Variants in NOX4 observed in about 807,000 individuals in gnomAD.
NOX4 encodes the protein kidney oxidase-1.
A neutral mutation model predicts 87.6 loss-of-function variants in NOX4; 69 were observed. The ratio of observed to expected loss-of-function variants is 0.79; its 90% CI spans 0.65 to 0.96. The LOEUF (loss-of-function observed/expected upper bound fraction) is 0.96, where lower values mean the gene tolerates loss of function less well. Ranked by LOEUF, NOX4 falls within the 40% of genes least tolerant of loss-of-function variation. The pLI, the probability that NOX4 is intolerant of heterozygous loss-of-function variation, is 0.00. For missense variants in NOX4, 680 were observed against 681.5 expected, an observed-to-expected ratio of 1.00 and a Z score of 0.02; for synonymous variants, 275 against 238.2, an observed-to-expected ratio of 1.15 and a Z score of -1.42.
intron 8 of NOX4, among the ~76,000 whole-genome samples, chr11:89,418,431 TA>T (rs1206380854): frequency 9.0e-6 from 1 of 110,518 alleles, no homozygotes; most frequent in East Asian, 2.9e-4. Flanking sequence ...AGAATAATAA[TA>T]ATAATAATAA....
intron 8 of NOX4, among the ~76,000 whole-genome samples, chr11:89,416,797 A>G (rs1228663238): frequency 6.6e-6 from 1 of 152,180 alleles, no homozygotes; most frequent in Non-Finnish European, 1.5e-5. Flanking sequence ...CTAGAAAAAA[A>G]ATGATTCAAG....
intron 6 of NOX4, 28 bp downstream of exon 6, chr11:89,440,660 A>T (rs777576122): frequency 6.6e-7 from 1 of 1,507,406 alleles, no homozygotes; most frequent in Admixed American, 1.9e-5. Flanking sequence ...TCCTAAACCT[A>T]AAGAAAAGGC....
chr11:89,387,573 T>C (rs1940804490), intron 11 of NOX4, among the ~76,000 whole-genome samples: 1 of 152,096 alleles, frequency 6.6e-6, no homozygotes, highest in Non-Finnish European at 1.5e-5. Context: ...TGTTCCTGAA[T>C]AAAAATAATA....
the NOX4 span, among the ~76,000 whole-genome samples, chr11:89,570,437 A>G: frequency 1.3e-5 from 2 of 151,922 alleles, no homozygotes; most frequent in African/African-American, 4.8e-5. Context: ...TGTGTAAGAA[A>G]CCCCTGCAAC....
intron 12 of NOX4, among the ~76,000 whole-genome samples, chr11:89,360,066 A>G (rs1274650918): frequency 6.6e-6 from 1 of 152,084 alleles, no homozygotes; most frequent in African/African-American, 2.4e-5. Flanking sequence ...ATTGTAACCT[A>G]TTAATAGTAT....
At chr11:89,384,975 C>G (rs1362289380) in intron 11 of NOX4, among the ~76,000 whole-genome samples, 5 of 152,150 alleles carry the variant, frequency 3.3e-5, no homozygotes, top group Non-Finnish European at 7.3e-5. Context: ...GGCAGTTCCA[C>G]CAGGCCTAAT....
the NOX4 span, among the ~76,000 whole-genome samples, chr11:89,540,569 C>T: frequency 6.6e-6 from 1 of 151,722 alleles, no homozygotes; most frequent in Non-Finnish European, 1.5e-5. Context: ...GGGTGGACCA[C>T]GAGGTCAGGA....
chr11:89,570,077 A>C, the NOX4 span, among the ~76,000 whole-genome samples: 7 of 152,332 alleles, frequency 4.6e-5, no homozygotes, highest in Non-Finnish European at 8.8e-5. Context: ...TTATTAAAGC[A>C]CAATAGCAAA....
intron 2 of NOX4, among the ~76,000 whole-genome samples, chr11:89,458,164 C>T (rs570456935): frequency 2.0e-4 from 30 of 152,256 alleles, no homozygotes; most frequent in African/African-American, 6.7e-4. Context: ...AATTATACTA[C>T]AAGACTACAA....
intron 2 of NOX4, among the ~76,000 whole-genome samples, chr11:89,459,215 T>C (rs926297270): frequency 3.3e-5 from 5 of 151,912 alleles, no homozygotes; most frequent in Admixed American, 1.3e-4. Flanking sequence ...ACCGAGAACA[T>C]GTTCTCACTT....
intron 17 of NOX4, among the ~76,000 whole-genome samples, chr11:89,332,252 A>G (rs1367363904): frequency 2.0e-5 from 3 of 151,800 alleles, no homozygotes; most frequent in African/African-American, 7.3e-5. Context: ...GAGAGACTAA[A>G]CCTAGTTATT....
chr11:89,378,322 C>T (rs1471720686), intron 11 of NOX4, among the ~76,000 whole-genome samples: 1 of 152,144 alleles, frequency 6.6e-6, no homozygotes, highest in Non-Finnish European at 1.5e-5. Flanking sequence ...AGAGTGACTT[C>T]CTTTCCATTT....
chr11:89,346,118 C>T (rs1946204756), intron 13 of NOX4, among the ~76,000 whole-genome samples: 1 of 152,172 alleles, frequency 6.6e-6, no homozygotes, highest in East Asian at 1.9e-4. Context: ...AAATCAGCAG[C>T]ATTTCCATGT....
chr11:89,540,669 T>G, the NOX4 span, among the ~76,000 whole-genome samples: 2 of 151,318 alleles, frequency 1.3e-5, no homozygotes, highest in Non-Finnish European at 2.9e-5. Context: ...GCACCTGTAG[T>G]CCCAGCTACT....
the NOX4 span, among the ~76,000 whole-genome samples, chr11:89,541,521 A>G: frequency 6.6e-6 from 1 of 152,162 alleles, no homozygotes; most frequent in Admixed American, 6.6e-5. Flanking sequence ...TAACTTTTAA[A>G]CCATATACTG....
intron 8 of NOX4, among the ~76,000 whole-genome samples, chr11:89,419,449 A>C (rs1462730505): frequency 3.3e-5 from 5 of 151,958 alleles, no homozygotes; most frequent in African/African-American, 1.2e-4. Context: ...AGAAAATGGT[A>C]AAATGTTATC....
chr11:89,404,844 C>G (rs1942080188), intron 8 of NOX4, among the ~76,000 whole-genome samples: 1 of 152,052 alleles, frequency 6.6e-6, no homozygotes, highest in Admixed American at 6.6e-5. Context: ...TTTAGAACAT[C>G]TATTTCTCAT....
the NOX4 span, among the ~76,000 whole-genome samples, chr11:89,569,180 A>T: frequency 6.6e-6 from 1 of 151,290 alleles, no homozygotes; most frequent in Non-Finnish European, 1.5e-5. Context: ...AGATTCCAAA[A>T]TTGAAAAAAA....
At chr11:89,439,609 A>G (rs1002461433) in intron 6 of NOX4, among the ~76,000 whole-genome samples, 19 of 152,290 alleles carry the variant, frequency 1.2e-4, no homozygotes, top group African/African-American at 4.6e-4. Context: ...ATTACACCCA[A>G]CAATTTATGA....
Sources: allele counts gnomAD v4.1 joint callset (sites outside exome capture counted in the v4.1 genomes callset), GRCh38; gene constraint gnomAD v4.1.1; transcripts MANE v1.5; gene names NCBI Gene and HGNC (gene_info 2026-07-23, HGNC 2026-07-21).